Variants in PEX14 observed in about 807,000 individuals in gnomAD.
PEX14 encodes peroxisomal membrane protein PEX14.
PEX14 carries 15 observed loss-of-function variants against 49.5 expected under a neutral mutation model. The observed-to-expected ratio is 0.30, with a 90% CI of 0.20 to 0.47. PEX14 has a LOEUF of 0.47. Among genes scored for constraint, PEX14 ranks in the 20% least tolerant of loss-of-function variants. The probability of loss-of-function intolerance (pLI) is 1.00; values close to 1 mark genes in which losing one functional copy is unlikely to be tolerated. For synonymous variants in PEX14, 210 were observed against 212.7 expected (o/e 0.99, Z 0.11); for missense variants, 398 against 494.8 (o/e 0.80, Z 1.86).
At chr1:10,567,832 T>G (rs1347165636) in intron 3 of PEX14, among the ~76,000 whole-genome samples, 3 of 152,132 alleles carry the variant, frequency 2.0e-5, no homozygotes, top group African/African-American at 7.2e-5. Flanking sequence ...GGTCTCACTA[T>G]GTTGCCCAGG....
At chr1:10,475,521 C>G (rs1337575073) in intron 1 of PEX14, among the ~76,000 whole-genome samples, 2 of 152,210 alleles carry the variant, frequency 1.3e-5, no homozygotes, top group Admixed American at 6.5e-5. Flanking sequence ...GTCGAGCCCT[C>G]TCAGTGCGTT....
intron 1 of PEX14, among the ~76,000 whole-genome samples, chr1:10,486,853 ATT>A (rs1379448914): frequency 6.6e-6 from 1 of 151,782 alleles, no homozygotes; most frequent in Admixed American, 6.6e-5. Flanking sequence ...TGCTTGGCTA[ATT>A]TTTTTGTGTT....
At chr1:10,524,337 A>G (rs1481310096) in intron 2 of PEX14, 2 of 264,974 alleles carry the variant, frequency 7.5e-6, no homozygotes, top group Non-Finnish European at 1.2e-5. Context: ...AAGAACCAAG[A>G]AGGTTACAAA....
In PEX14 at chr1:10,613,370, G is replaced by A. The variant is rs778913735; in HGVS notation, c.299-4962G>A. 5.3e-5 allele frequency among the ~76,000 whole-genome samples: 8 copies of A among 152,206 alleles called. No individual in the cohort carries two copies. The highest frequency in any genetic ancestry group is 1.2e-4 in the Non-Finnish European group (8 of 68,034). On this transcript the variant is annotated intron_variant, in intron 4 of 8. Transcript: ENST00000356607. The surrounding 1 kb of genome is among the most constrained non-coding windows in gnomAD (Gnocchi z 5.0). ...GTTTTACCCAAACTGGAGCCTTTGCGCAGGCTGACCTCCATGGAGCCGGGC... is the reference window on the plus strand; with the variant it reads ...GTTTTACCCAAACTGGAGCCTTTGCACAGGCTGACCTCCATGGAGCCGGGC...
intron 2 of PEX14, among the ~76,000 whole-genome samples, chr1:10,503,861 G>A (rs1384340195): frequency 6.6e-6 from 1 of 152,022 alleles, no homozygotes; most frequent in Non-Finnish European, 1.5e-5. Context: ...AGCCTCTTGA[G>A]TAGCTGGGAT....
chr1:10,629,441 C>G lies in PEX14; in HGVS notation c.678-90C>G, dbSNP rs550054957. On this transcript the variant is annotated intron_variant, in intron 8 of 8. Coordinates refer to ENST00000356607, the MANE Select transcript of PEX14 (RefSeq NM_004565.3). The surrounding 1 kb of genome is among the most constrained non-coding windows in gnomAD (Gnocchi z 8.5). ...CCCTGGGGGAGCAGCTCACCATCGC[C>G]GAGCCCTTGCGGGTCAGGGAAGGCG... 7.1e-5 allele frequency: 62 copies of G among 877,968 alleles called. No individual in the cohort carries two copies. The highest frequency in any genetic ancestry group is 2.8e-4 in the Admixed American group (16 of 57,602). 54.4% of individuals were successfully genotyped at this position (877,968 alleles called of 1,614,324 possible). A position where few individuals can be genotyped will look rare whatever the true frequency, so the allele number is the denominator to read the frequency against.
rs144908636 is a variant in PEX14, at chr1:10,607,960, A to G, written c.298+8594A>G. ...GACTTTGTCTATTCCAAGGTTGAAG[A>G]GACTTTCTCCTATATTGTCTTCTAG... is the stretch of plus-strand genomic sequence containing the variant. On this transcript the variant is annotated intron_variant, in intron 4 of 8. Coordinates refer to ENST00000356607, the MANE Select transcript of PEX14 (RefSeq NM_004565.3). 7.2e-5 allele frequency among the ~76,000 whole-genome samples: 11 copies of G among 152,262 alleles called. No individual in the cohort carries two copies. In the East Asian group the frequency reaches 2.1e-3, roughly 29 times the overall value.
intron 7 of PEX14, among the ~76,000 whole-genome samples, 158 bp from the exon 8 acceptor site, chr1:10,627,114 C>G (rs544410915): frequency 2.0e-5 from 3 of 152,218 alleles, no homozygotes; most frequent in Non-Finnish European, 2.9e-5. Context: ...CATCCAGAGA[C>G]GTGGCAGGCA....
chr1:10,558,436 A>C (rs1199149055), intron 3 of PEX14, among the ~76,000 whole-genome samples: 3 of 152,064 alleles, frequency 2.0e-5, no homozygotes, highest in Non-Finnish European at 2.9e-5. Context: ...TACATTCAAC[A>C]TAGAAATTAC....
chr1:10,499,674 C>G (rs960297302), intron 2 of PEX14, among the ~76,000 whole-genome samples: 1 of 152,166 alleles, frequency 6.6e-6, no homozygotes, highest in African/African-American at 2.4e-5. Context: ...GTCTGGATCT[C>G]CTGACCTTGT....
In PEX14 at chr1:10,612,732, C is replaced by G. The variant is rs77192547; in HGVS notation, c.299-5600C>G. On this transcript the variant is annotated intron_variant, in intron 4 of 8. Coordinates refer to ENST00000356607, the MANE Select transcript of PEX14 (RefSeq NM_004565.3). ...GTCTCTCTGCACTTGTGCTCTCCAC[C>G]TCTGTGCTGTAGCAAGCACTGATTT... Among the ~76,000 whole-genome samples the G allele has an allele frequency of 5.5e-3, 837 of 152,364 alleles. 9 individuals carry two copies. Among genetic ancestry groups the G allele is most frequent in the African/African-American group, 0.019 (788 of 41,586 alleles).
At chr1:10,511,696 G>A (rs2124436976) in intron 2 of PEX14, among the ~76,000 whole-genome samples, 1 of 152,118 alleles carries the variant, frequency 6.6e-6, no homozygotes, top group African/African-American at 2.4e-5. Context: ...GTGGACCCAG[G>A]GACCTCTGAA....
At chr1:10,475,105 T>C in intron 1 of PEX14, 103 bp downstream of exon 1, 2 of 1,155,786 alleles carry the variant, frequency 1.7e-6, no homozygotes, top group Non-Finnish European at 2.5e-6. Flanking sequence ...TCTCCGAAGC[T>C]GGGGACCCCG....
intron 3 of PEX14, among the ~76,000 whole-genome samples, chr1:10,583,410 TG>T (rs139907562): frequency 0.041 from 5,738 of 139,408 alleles, 323 homozygotes; most frequent in African/African-American, 0.12. Flanking sequence ...TTTAAAAAGG[TG>T]AGGTTGCACT....
At chr1:10,621,681 C>T (rs1641600908) in intron 5 of PEX14, among the ~76,000 whole-genome samples, 1 of 152,134 alleles carries the variant, frequency 6.6e-6, no homozygotes, top group Non-Finnish European at 1.5e-5. Flanking sequence ...GACATTTCAT[C>T]CTGAAGTGTA....
intron 7 of PEX14, among the ~76,000 whole-genome samples, chr1:10,626,381 G>A (rs1322138726): frequency 1.3e-5 from 2 of 152,170 alleles, no homozygotes; most frequent in Non-Finnish European, 2.9e-5. Flanking sequence ...GTCTGGGGGT[G>A]GTGGGTGACA....
At chr1:10,558,919 C>T (rs1639572238) in intron 3 of PEX14, among the ~76,000 whole-genome samples, 1 of 152,010 alleles carries the variant, frequency 6.6e-6, no homozygotes, top group African/African-American at 2.4e-5. Context: ...TTCTGAGTAC[C>T]TGTATTTTTA....
At chr1:10,502,170 C>A (rs1355065921) in intron 2 of PEX14, among the ~76,000 whole-genome samples, 1 of 152,158 alleles carries the variant, frequency 6.6e-6, no homozygotes, top group Non-Finnish European at 1.5e-5. Context: ...CCTCTTTCCT[C>A]ACTCCTCTCT....
rs1210343103 is a variant in PEX14 at position 10,495,271 on chromosome 1, C to T, written c.37-3C>T. ...TTATTTTTGTTTCCATTTTTCTCTG[C>T]AGCCAAGCTCTACTCCAGGAAGTGA... On this transcript the variant is annotated splice_region_variant and splice_polypyrimidine_tract_variant and intron_variant, in intron 1 of 8. Coordinates refer to ENST00000356607, the MANE Select transcript of PEX14 (RefSeq NM_004565.3). The surrounding 1 kb of genome is among the most constrained non-coding windows in gnomAD (Gnocchi z 4.2). 6 of 1,613,718 alleles carry T rather than the reference C, an allele frequency of 3.7e-6. No homozygotes were observed. Among genetic ancestry groups the T allele is most frequent in the South Asian group, 2.2e-5 (2 of 91,066 alleles).
Sources: allele counts gnomAD v4.1 joint callset (sites outside exome capture counted in the v4.1 genomes callset), GRCh38; gene constraint gnomAD v4.1.1; non-coding constraint Gnocchi (gnomAD v3.1); transcripts MANE v1.5; gene names NCBI Gene and HGNC (gene_info 2026-07-23, HGNC 2026-07-21).